Variants in RERE observed in about 807,000 individuals in gnomAD.
RERE encodes the protein arginine-glutamic acid dipeptide repeats protein.
In RERE, 40 loss-of-function variants were observed where a neutral mutation model predicts 146.1. The ratio of observed to expected loss-of-function variants is 0.27; its 90% CI spans 0.21 to 0.36. RERE has a LOEUF of 0.36. Ranked by LOEUF, RERE falls within the 10% of genes least tolerant of loss-of-function variation. The pLI is 1.00. For synonymous variants in RERE, 1,003 were observed against 866.0 expected (o/e 1.16, Z -2.78); for missense variants, 1,933 against 2,138.7 (o/e 0.90, Z 1.90).
chr1:8,779,168 T>C (rs888793677), intron 1 of RERE, among the ~76,000 whole-genome samples: 4 of 152,042 alleles, frequency 2.6e-5, no homozygotes, highest in East Asian at 1.9e-4. Context: ...CAGTTTTATG[T>C]GTAACATCAC....
chr1:8,816,963 G>A (rs1641924746), intron 1 of RERE, among the ~76,000 whole-genome samples, 197 bp downstream of exon 1: 1 of 152,158 alleles, frequency 6.6e-6, no homozygotes, highest in African/African-American at 2.4e-5. Context: ...ACGCAGGAAC[G>A]GTCACCTGGC....
At chr1:8,720,957 G>A (rs1007285029) in intron 1 of RERE, among the ~76,000 whole-genome samples, 1 of 152,122 alleles carries the variant, frequency 6.6e-6, no homozygotes, top group African/African-American at 2.4e-5. Context: ...TCAGGAGGCT[G>A]AGGCAAGAGA....
intron 1 of RERE, among the ~76,000 whole-genome samples, chr1:8,711,949 C>T (rs1052767103): frequency 2.6e-5 from 4 of 152,052 alleles, no homozygotes; most frequent in South Asian, 2.1e-4. Context: ...AAATTACACA[C>T]GTGTATTTCA....
chr1:8,504,360 G>C (rs1180077684), intron 8 of RERE, among the ~76,000 whole-genome samples: 1 of 152,204 alleles, frequency 6.6e-6, no homozygotes, highest in Non-Finnish European at 1.5e-5. Context: ...TACGAAGGAA[G>C]ATGCTCCTAC....
chr1:8,575,593 A>C (rs1646285315), intron 4 of RERE, among the ~76,000 whole-genome samples: 1 of 139,754 alleles, frequency 7.2e-6, no homozygotes, highest in African/African-American at 2.7e-5. Flanking sequence ...ACAGTGTCTC[A>C]CTATGTTGCC....
At chr1:8,773,444 AGTGCTTTGGGAGGCCAAGGT>A in intron 1 of RERE, among the ~76,000 whole-genome samples, 2 of 152,254 alleles carry the variant, frequency 1.3e-5, no homozygotes, top group Non-Finnish European at 2.9e-5. Context: ...CTGAAATCCC[AGTGCTTTGGGAGGCCAAGGT>A]GCGCCAATCA....
intron 7 of RERE, among the ~76,000 whole-genome samples, chr1:8,539,763 C>G (rs570703925): frequency 6.6e-6 from 1 of 152,164 alleles, no homozygotes; most frequent in Admixed American, 6.5e-5. Flanking sequence ...TATTACTATC[C>G]ATACATCAAG....
At chr1:8,635,982 T>C (rs28395485) in intron 2 of RERE, among the ~76,000 whole-genome samples, 11,420 of 52,140 alleles carry the variant, frequency 0.22, 837 homozygotes, top group East Asian at 0.59. Flanking sequence ...CTTATCTTAT[T>C]TTATTTTATT....
chr1:8,614,222 A>T (rs1646825197), intron 4 of RERE, among the ~76,000 whole-genome samples: 1 of 152,090 alleles, frequency 6.6e-6, no homozygotes, highest in Admixed American at 6.5e-5. Flanking sequence ...CGCACATTCC[A>T]CACTTGAGCT....
chr1:8,678,132 G>A (rs571543248), intron 1 of RERE, among the ~76,000 whole-genome samples: 165 of 152,236 alleles, frequency 1.1e-3, no homozygotes, highest in African/African-American at 3.8e-3. Flanking sequence ...TCAGATCCAC[G>A]AGAACAGGAA....
Position 8,443,459 on chromosome 1 carries a change from G to GAAAAAAAAAA in RERE, c.1204-20662_1204-20653dup, listed in dbSNP as rs144499944. ...CAGGTGAGACTCAGTCTCAAAAAAAGAAAAAAAAAAAAAAAAAAAAGAAAG... is the reference window on the plus strand; with the variant it reads ...CAGGTGAGACTCAGTCTCAAAAAAAGAAAAAAAAAAAAAAAAAAAAAAAAAAAAAAGAAAG... On this transcript the variant is annotated intron_variant, in intron 11 of 22. Coordinates refer to ENST00000400908, the MANE Select transcript of RERE (RefSeq NM_001042681.2). Among the ~76,000 whole-genome samples, 131 of 112,114 alleles carry GAAAAAAAAAA rather than the reference G, an allele frequency of 1.2e-3. 2 individuals are homozygous for GAAAAAAAAAA. Among genetic ancestry groups the GAAAAAAAAAA allele is most frequent in the Middle Eastern group, 9.1e-3 (2 of 220 alleles). The allele number at this position is 112,114 out of a possible 152,430, so 73.6% of individuals were successfully genotyped here.
chr1:8,776,782 C>T (rs755288109), intron 1 of RERE, among the ~76,000 whole-genome samples: 12 of 151,756 alleles, frequency 7.9e-5, no homozygotes, highest in Non-Finnish European at 1.3e-4. Flanking sequence ...GCAGTGGCAC[C>T]ATCACGGCTC....
intron 1 of RERE, among the ~76,000 whole-genome samples, chr1:8,764,992 G>C (rs1004604387): frequency 6.6e-6 from 1 of 152,176 alleles, no homozygotes; most frequent in Non-Finnish European, 1.5e-5. Flanking sequence ...TTCACTCTTA[G>C]GCTTTGGAAG....
rs755059928 is a variant in RERE, at chr1:8,355,424, A to G, written c.4662T>C (p.Tyr1554=). 2 of 1,612,874 alleles carry G rather than the reference A, an allele frequency of 1.2e-6. No homozygotes were observed. The highest frequency in any genetic ancestry group is 2.2e-5 in the East Asian group (1 of 44,878). ...HGGHLPSQED[Y]YSRLKKEGDK... ...CTCCCAGCACCCCACCTCACCTGTA[A>G]TAATCTTCCTGACTTGGTAGGTGGC... Residue 1554 remains tyrosine (Y), a synonymous_variant, in exon 22 of 23, where the codon TAT becomes TAC. Transcript: ENST00000400908.
chr1:8,387,413 T>C (rs1278727589), intron 12 of RERE, among the ~76,000 whole-genome samples: 1 of 152,120 alleles, frequency 6.6e-6, no homozygotes, highest in African/African-American at 2.4e-5. Flanking sequence ...CCAAGAGAGA[T>C]TTCTAACAAA....
chr1:8,463,141 G>T (rs1057056958), intron 11 of RERE, among the ~76,000 whole-genome samples: 9 of 152,150 alleles, frequency 5.9e-5, no homozygotes, highest in African/African-American at 2.2e-4. Flanking sequence ...TCTCTTCAAA[G>T]ATTTGATTTG....
chr1:8,414,424 C>T (rs906869438), intron 12 of RERE, among the ~76,000 whole-genome samples: 12 of 152,092 alleles, frequency 7.9e-5, no homozygotes, highest in South Asian at 2.1e-4. Context: ...GGCATGGTGG[C>T]GCATGCCTGT....
Position 8,362,774 on chromosome 1 carries a change from T to C in RERE, c.1811A>G (p.Glu604Gly). Residue 604 changes from glutamate (E) to glycine (G), a missense_variant, in exon 16 of 23, where the codon GAA (glutamate) becomes GGA (glycine). Physicochemically the swap from Glu to Gly is moderately conservative, Grantham distance 98. Coordinates refer to ENST00000400908, the MANE Select transcript of RERE (RefSeq NM_001042681.2). ...GTTCCGGCCGCTGGAGCGGATGTCT[T>C]CATTGATGGGTGAGGTGCGACCATC... ...SPDGRTSPINEDIRSSGRNSP... is the reference protein window; with the variant it reads ...SPDGRTSPINGDIRSSGRNSP... 6.2e-7 allele frequency: 1 copy of C among 1,614,202 alleles called. No individual in the cohort carries two copies. Among genetic ancestry groups the C allele is most frequent in the Non-Finnish European group, 8.5e-7 (1 of 1,180,040 alleles).
At chr1:8,643,808 T>C (rs1647216944) in intron 2 of RERE, among the ~76,000 whole-genome samples, 1 of 152,180 alleles carries the variant, frequency 6.6e-6, no homozygotes, top group Non-Finnish European at 1.5e-5. Context: ...CATTTTTCAT[T>C]TCATTTTCAA....
Sources: gnomAD v4.1 joint callset for allele counts (sites outside exome capture counted in the v4.1 genomes callset) on GRCh38, gnomAD v4.1.1 for gene constraint, MANE v1.5 for transcripts, NCBI Gene and HGNC (gene_info 2026-07-23, HGNC 2026-07-21) for gene names.